The following SNTB1 variants were observed in gnomAD, a reference collection of about 807,000 sequenced individuals.
The protein encoded by SNTB1 is syntrophin beta 1, also known as beta-1-syntrophin.
A neutral mutation model predicts 48.9 loss-of-function variants in SNTB1; 36 were observed. The observed-to-expected ratio is 0.74, with a 90% CI of 0.56 to 0.97. SNTB1 has a LOEUF of 0.97. Among genes scored for constraint, SNTB1 ranks in the 50% least tolerant of loss-of-function variants. SNTB1 has a pLI of 0.00. For synonymous variants in SNTB1, 299 were observed against 294.6 expected (o/e 1.01, Z -0.15); for missense variants, 786 against 703.4 (o/e 1.12, Z -1.33).
intron 1 of SNTB1, among the ~76,000 whole-genome samples, chr8:120,753,765 T>C (rs1563590602): frequency 6.6e-6 from 1 of 152,182 alleles, no homozygotes; most frequent in South Asian, 2.1e-4. Flanking sequence ...TAGAGGGACT[T>C]TAATGATGAA....
chr8:120,550,633 G>A (rs1047829894), intron 4 of SNTB1, among the ~76,000 whole-genome samples: 1 of 151,924 alleles, frequency 6.6e-6, no homozygotes, highest in Non-Finnish European at 1.5e-5. Flanking sequence ...AATGACTGCT[G>A]GCATGGGTGC....
intron 1 of SNTB1, among the ~76,000 whole-genome samples, chr8:120,800,359 G>C (rs903924132): frequency 1.3e-5 from 2 of 152,078 alleles, no homozygotes; most frequent in Non-Finnish European, 2.9e-5. Flanking sequence ...GAAAGCAACA[G>C]CTAATTTAGG....
intron 1 of SNTB1, among the ~76,000 whole-genome samples, chr8:120,793,002 C>A (rs543867583): frequency 6.6e-6 from 1 of 152,104 alleles, no homozygotes; most frequent in African/African-American, 2.4e-5. Context: ...TGTGTTGGTG[C>A]TTTGTTAATA....
chr8:120,564,801 C>T (rs1815723977), intron 4 of SNTB1, among the ~76,000 whole-genome samples: 3 of 151,740 alleles, frequency 2.0e-5, no homozygotes, highest in Non-Finnish European at 4.4e-5. Flanking sequence ...GAACTCCTGA[C>T]CTCAGGTGAT....
At chr8:120,632,757 T>G in intron 2 of SNTB1, 106 bp from the exon 3 acceptor site, 1 of 933,656 alleles carries the variant, frequency 1.1e-6, no homozygotes, top group Non-Finnish European at 1.6e-6. Flanking sequence ...CTTTTAGACT[T>G]TGTCAGTTTC....
At chr8:120,746,990 T>C (rs1819134935) in intron 1 of SNTB1, among the ~76,000 whole-genome samples, 1 of 152,120 alleles carries the variant, frequency 6.6e-6, no homozygotes, top group Non-Finnish European at 1.5e-5. Context: ...CAGCAACAAC[T>C]GTTGTAGATC....
intron 6 of SNTB1, among the ~76,000 whole-genome samples, chr8:120,539,585 G>A (rs939162538): frequency 1.3e-5 from 2 of 152,208 alleles, no homozygotes; most frequent in East Asian, 1.9e-4. Flanking sequence ...TATGCTTCTT[G>A]ATGTGTTCCT....
intron 2 of SNTB1, among the ~76,000 whole-genome samples, chr8:120,672,431 C>T (rs763821822): frequency 6.6e-6 from 1 of 152,196 alleles, no homozygotes; most frequent in Non-Finnish European, 1.5e-5. Context: ...AGCCATTAAA[C>T]ATTATGGTCC....
chr8:120,686,688 A>G (rs1036339981), intron 2 of SNTB1, among the ~76,000 whole-genome samples: 1 of 152,222 alleles, frequency 6.6e-6, no homozygotes, highest in South Asian at 2.1e-4. Flanking sequence ...GGAATAAGTA[A>G]CAGACTTGGG....
At chr8:120,724,904 G>A (rs1818726515) in intron 1 of SNTB1, among the ~76,000 whole-genome samples, 3 of 152,206 alleles carry the variant, frequency 2.0e-5, no homozygotes, top group African/African-American at 4.8e-5. Context: ...GGAGATGCAG[G>A]GTAGGGGAGT....
intron 3 of SNTB1, among the ~76,000 whole-genome samples, chr8:120,622,904 G>C (rs978821827): frequency 6.6e-6 from 1 of 152,182 alleles, no homozygotes; most frequent in Non-Finnish European, 1.5e-5. Context: ...CTTCTCTAGA[G>C]AATTGCCCTT....
chr8:120,697,279 T>C (rs1048897027), intron 1 of SNTB1, among the ~76,000 whole-genome samples: 1 of 152,172 alleles, frequency 6.6e-6, no homozygotes, highest in Non-Finnish European at 1.5e-5. Flanking sequence ...GGATATCCCA[T>C]TGGGAGTAAT....
At chr8:120,711,714 G>T (rs924934347) in intron 1 of SNTB1, among the ~76,000 whole-genome samples, 3 of 152,124 alleles carry the variant, frequency 2.0e-5, no homozygotes, top group African/African-American at 7.2e-5. Context: ...TACAAGTCAT[G>T]CAGGATTTCT....
chr8:120,631,541 AT>A (rs1032093001), intron 3 of SNTB1, among the ~76,000 whole-genome samples: 2 of 152,088 alleles, frequency 1.3e-5, no homozygotes, highest in Non-Finnish European at 2.9e-5. Flanking sequence ...CCCTATTCCC[AT>A]TTACTGCCTA....
Position 120,575,235 on chromosome 8 carries a change from A to C in SNTB1, c.997-10T>G. ...TGCTCTCCCCTGGCACCTGAAAAAG[A>C]AAGCAGAGAACTGTCAAATGACAGC... On this transcript the variant is annotated splice_polypyrimidine_tract_variant and intron_variant, in intron 3 of 6. Transcript: ENST00000517992. 6.2e-7 allele frequency: 1 copy of C among 1,614,184 alleles called. No homozygotes were observed. Among genetic ancestry groups the C allele is most frequent in the Non-Finnish European group, 8.5e-7 (1 of 1,179,998 alleles).
intron 2 of SNTB1, among the ~76,000 whole-genome samples, chr8:120,642,583 A>G (rs984051337): frequency 2.6e-5 from 4 of 152,270 alleles, no homozygotes; most frequent in East Asian, 3.9e-4. Context: ...TTAGTTATGG[A>G]CTACTGACTA....
At chr8:120,639,126 A>C (rs1817139194) in intron 2 of SNTB1, among the ~76,000 whole-genome samples, 1 of 152,060 alleles carries the variant, frequency 6.6e-6, no homozygotes. Flanking sequence ...TTTGATTTGC[A>C]TTTCTCTGAT....
At chr8:120,658,198 G>T (rs1388826432) in intron 2 of SNTB1, among the ~76,000 whole-genome samples, 4 of 152,184 alleles carry the variant, frequency 2.6e-5, no homozygotes, top group Non-Finnish European at 5.9e-5. Flanking sequence ...GTAGAAGGCA[G>T]TAAATCAAGC....
chr8:120,608,641 C>T (rs1163196149), intron 3 of SNTB1, among the ~76,000 whole-genome samples: 1 of 152,198 alleles, frequency 6.6e-6, no homozygotes, highest in Admixed American at 6.6e-5. Flanking sequence ...ACTCAGTCTG[C>T]AGTACTTTGC....
Sources: gnomAD v4.1 joint callset for allele counts (sites outside exome capture counted in the v4.1 genomes callset) on GRCh38, gnomAD v4.1.1 for gene constraint, MANE v1.5 for transcripts, NCBI Gene and HGNC (gene_info 2026-07-23, HGNC 2026-07-21) for gene names.